DLGAP2: variants seen among roughly 807,000 people sequenced by gnomAD.
The protein encoded by DLGAP2 is DLG associated protein 2, also known as disks large-associated protein 2.
Under a neutral mutation model 100.3 loss-of-function variants are expected in DLGAP2, and 26 were observed. That is an observed-to-expected ratio of 0.26 (90% CI 0.19 to 0.36). DLGAP2 has a LOEUF of 0.36. DLGAP2 is among the 10% of genes least tolerant of loss of function. DLGAP2 has a pLI of 1.00. For synonymous variants in DLGAP2, 886 were observed against 630.1 expected, an observed-to-expected ratio of 1.41 and a Z score of -6.08; for missense variants, 1,858 against 1,453.2, an observed-to-expected ratio of 1.28 and a Z score of -4.53.
chr8:779,888 A>C (rs1267969200), intron 1 of DLGAP2, among the ~76,000 whole-genome samples: 2 of 152,302 alleles, frequency 1.3e-5, no homozygotes, highest in African/African-American at 4.8e-5. Context: ...ATTGACAAAT[A>C]ATCACTGTAT....
intron 3 of DLGAP2, among the ~76,000 whole-genome samples, chr8:1,325,339 C>T (rs1173404437): frequency 1.3e-5 from 2 of 152,182 alleles, no homozygotes; most frequent in African/African-American, 2.4e-5. Flanking sequence ...TTAAAGCTGC[C>T]TGTGTGTCCA....
chr8:1,093,352 C>A (rs1019585838), intron 2 of DLGAP2, among the ~76,000 whole-genome samples: 1 of 135,560 alleles, frequency 7.4e-6, no homozygotes, highest in Non-Finnish European at 1.5e-5. Context: ...AACACCTTCA[C>A]ACCAACAGCC....
chr8:1,181,394 G>C (rs909586107), intron 2 of DLGAP2, among the ~76,000 whole-genome samples: 9 of 152,196 alleles, frequency 5.9e-5, no homozygotes, highest in Non-Finnish European at 1.5e-5. Flanking sequence ...GATTGCTAAG[G>C]ATAATGGCCT....
At chr8:1,491,077 C>CAAAAAAAAAAAAAAAAAAAAAAAAA (rs386411871) in intron 3 of DLGAP2, among the ~76,000 whole-genome samples, 1 of 64,520 alleles carries the variant, frequency 1.5e-5, no homozygotes, top group Non-Finnish European at 3.4e-5. Context: ...AACTGGAAAC[C>CAAAAAAAAAAAAAAAAAAAAAAAAA]AAAAAAAAAA....
At chr8:1,610,400 G>T (rs1796956883) in intron 6 of DLGAP2, among the ~76,000 whole-genome samples, 1 of 150,936 alleles carries the variant, frequency 6.6e-6, no homozygotes, top group Admixed American at 6.6e-5. Context: ...TGTGTAGAGG[G>T]AAATTTATAG....
At chr8:1,168,022 C>A in intron 2 of DLGAP2, among the ~76,000 whole-genome samples, 1 of 99,066 alleles carries the variant, frequency 1.0e-5, no homozygotes, top group African/African-American at 3.9e-5. Context: ...CCATTGCTAT[C>A]CCTCCCCCCT....
chr8:786,419 A>G (rs751842129), intron 1 of DLGAP2, among the ~76,000 whole-genome samples: 5 of 152,192 alleles, frequency 3.3e-5, no homozygotes, highest in Non-Finnish European at 7.3e-5. Flanking sequence ...TCTCAAAAGA[A>G]TGACCGAGAG....
chr8:1,535,454 C>T (rs1378895753), intron 4 of DLGAP2, among the ~76,000 whole-genome samples: 3 of 152,176 alleles, frequency 2.0e-5, no homozygotes, highest in South Asian at 2.1e-4. Flanking sequence ...CAGGATTTTA[C>T]GGGGCTGAGT....
chr8:1,235,710 G>A (rs112114318), intron 2 of DLGAP2, among the ~76,000 whole-genome samples: 2 of 26,252 alleles, frequency 7.6e-5, no homozygotes, highest in Non-Finnish European at 1.4e-4. Context: ...CTCACATGGC[G>A]CCGTATCTAG....
At chr8:887,074 C>G (rs983973882) in intron 1 of DLGAP2, among the ~76,000 whole-genome samples, 1 of 152,110 alleles carries the variant, frequency 6.6e-6, no homozygotes, top group African/African-American at 2.4e-5. Flanking sequence ...CGTATATATT[C>G]AGAATAGTTA....
chr8:938,829 C>T (rs1799131886), intron 2 of DLGAP2, among the ~76,000 whole-genome samples: 1 of 152,176 alleles, frequency 6.6e-6, no homozygotes, highest in African/African-American at 2.4e-5. Context: ...CTCATTGCCT[C>T]AGAGGCCAAG....
intron 2 of DLGAP2, among the ~76,000 whole-genome samples, chr8:1,229,147 G>A (rs1237875224): frequency 6.6e-6 from 1 of 151,996 alleles, no homozygotes; most frequent in Non-Finnish European, 1.5e-5. Flanking sequence ...ATACAAAAAT[G>A]ACCAAGATGT....
chr8:905,473 A>G (rs937593825), intron 1 of DLGAP2, among the ~76,000 whole-genome samples: 25 of 152,044 alleles, frequency 1.6e-4, no homozygotes, highest in African/African-American at 5.1e-4. Context: ...CCCTTTTTCA[A>G]ATCGAACAGA....
At chr8:955,631 G>A (rs751122000) in intron 2 of DLGAP2, among the ~76,000 whole-genome samples, 5 of 152,074 alleles carry the variant, frequency 3.3e-5, no homozygotes, top group Middle Eastern at 3.4e-3. Context: ...ACAGTGCTCC[G>A]TTTTTCTTTT....
At chr8:1,353,087 A>AC (rs901078905) in intron 3 of DLGAP2, among the ~76,000 whole-genome samples, 23 of 151,898 alleles carry the variant, frequency 1.5e-4, no homozygotes, top group South Asian at 1.3e-3. Flanking sequence ...ACGACGAAGG[A>AC]CCCCCCCGAG....
intron 1 of DLGAP2, among the ~76,000 whole-genome samples, chr8:890,483 G>T (rs1798012730): frequency 6.6e-6 from 1 of 151,876 alleles, no homozygotes; most frequent in Non-Finnish European, 1.5e-5. Context: ...CTTCCCTTCT[G>T]GTTCTCGTTC....
Position 807,016 on chromosome 8 carries a change from A to T in DLGAP2, c.18+69191A>T, listed in dbSNP as rs1366944827. On this transcript the variant is annotated intron_variant, in intron 1 of 14. Coordinates refer to ENST00000637795, the MANE Select transcript of DLGAP2 (RefSeq NM_001346810.2). Reference sequence around the variant, plus strand: ...CACGTGCTTTCACCCTGAATCTCCTACCTGGGACAGAAAACCTCAAATAAT... The same window carrying T: ...CACGTGCTTTCACCCTGAATCTCCTTCCTGGGACAGAAAACCTCAAATAAT... Among the ~76,000 whole-genome samples, 4 of 152,166 alleles carry T rather than the reference A, an allele frequency of 2.6e-5. No individual in the cohort carries two copies. The South Asian group carries it at 8.3e-4, about 32-fold the overall frequency.
intron 2 of DLGAP2, among the ~76,000 whole-genome samples, chr8:1,005,402 CTTGTTTTT>C (rs1801077368): frequency 8.8e-6 from 1 of 113,594 alleles, no homozygotes; most frequent in African/African-American, 3.3e-5. Flanking sequence ...AACAACTCCA[CTTGTTTTT>C]TTTTTTTTTT....
intron 2 of DLGAP2, among the ~76,000 whole-genome samples, chr8:1,033,916 C>A (rs1247535523): frequency 1.0e-5 from 1 of 98,478 alleles, no homozygotes; most frequent in African/African-American, 3.9e-5. Flanking sequence ...ACACCCTCAT[C>A]CCGACCCCAT....
Sources: gnomAD v4.1 joint callset for allele counts (sites outside exome capture counted in the v4.1 genomes callset) on GRCh38, gnomAD v4.1.1 for gene constraint, MANE v1.5 for transcripts, NCBI Gene and HGNC (gene_info 2026-07-23, HGNC 2026-07-21) for gene names.